Variants in HEATR5B observed in about 807,000 individuals in gnomAD.
The protein encoded by HEATR5B is HEAT repeat containing 5B, also known as HEAT repeat-containing protein 5B.
Under a neutral mutation model 224.1 loss-of-function variants are expected in HEATR5B, and 156 were observed. The ratio of observed to expected loss-of-function variants is 0.70; its 90% CI spans 0.61 to 0.80. The LOEUF is 0.80. HEATR5B is among the 30% of genes least tolerant of loss of function. HEATR5B has a pLI of 0.00. For synonymous variants in HEATR5B, 1,027 were observed against 893.0 expected, an observed-to-expected ratio of 1.15 and a Z score of -2.68; for missense variants, 2,323 against 2,535.5, an observed-to-expected ratio of 0.92 and a Z score of 1.80.
Position 37,002,384 on chromosome 2 carries a change from G to C in HEATR5B, c.5239C>G (p.Leu1747Val), listed in dbSNP as rs753742297. 6.2e-7 allele frequency: 1 copy of C among 1,614,206 alleles called. No individual in the cohort carries two copies. Among genetic ancestry groups the C allele is most frequent in the East Asian group, 2.2e-5 (1 of 44,882 alleles). Residue 1747 changes from leucine (L) to valine (V), a missense_variant, in exon 32 of 36, where the codon CTA becomes GTA. This residue lies in a region of HEATR5B where 844 missense variants were observed against 812.9 expected (regional missense o/e 1.04). Transcript: ENST00000233099. ...SPSHIATKTRLSEESARLVAA... is the reference protein window; with the variant it reads ...SPSHIATKTRVSEESARLVAA... ...ACCAAACGAGCACTTTCTTCTGATA[G>C]TCGAGTTTTAGTGGCTATGTGACTT...
intron 22 of HEATR5B, among the ~76,000 whole-genome samples, chr2:37,030,240 A>C (rs1008517019): frequency 3.3e-5 from 5 of 152,186 alleles, no homozygotes; most frequent in African/African-American, 9.7e-5. Context: ...GGTTTGAAGA[A>C]AATAGCCATA....
intron 27 of HEATR5B, 56 bp downstream of exon 27, chr2:37,013,784 AT>A: frequency 7.0e-7 from 1 of 1,434,614 alleles, no homozygotes; most frequent in Non-Finnish European, 9.3e-7. Context: ...GTAGAGGAAC[AT>A]TTTCTCATGG....
At position 36,985,304 on chromosome 2, in the gene HEATR5B, T is replaced by C. The variant is rs149069881; in HGVS notation, c.5911+3342A>G. Among the ~76,000 whole-genome samples, 97 of 152,318 alleles carry C rather than the reference T, an allele frequency of 6.4e-4. 3 individuals are homozygous for C. In the East Asian group the frequency reaches 0.014, roughly 22 times the overall value. The stretch of plus-strand genomic sequence containing the variant: ...AGACTTGTGTGCCTTTGGTTTTTTA[T>C]GGCATTTAGTCTTAGATTCAGTTTT... On this transcript the variant is annotated intron_variant, in intron 35 of 35. Coordinates refer to ENST00000233099, the MANE Select transcript of HEATR5B (RefSeq NM_019024.3).
At chr2:36,989,584 A>G (rs532568158) in intron 34 of HEATR5B, among the ~76,000 whole-genome samples, 1 of 152,318 alleles carries the variant, frequency 6.6e-6, no homozygotes, top group East Asian at 1.9e-4. Context: ...ATTCCCTGGA[A>G]ATGACTGTTA....
At chr2:37,068,137 C>T (rs1671696315) in intron 8 of HEATR5B, among the ~76,000 whole-genome samples, 1 of 152,118 alleles carries the variant, frequency 6.6e-6, no homozygotes, top group African/African-American at 2.4e-5. Context: ...CCCTGAATTA[C>T]TGCTCTGCAA....
chr2:37,032,639 G>A lies in HEATR5B; in HGVS notation c.3351C>T (p.Ser1117=). The change falls in exon 22 of 36, where the codon AGC becomes AGT. Residue 1117 remains serine (S), a synonymous_variant. Transcript: ENST00000233099. ...SLAKNTGDKE[S]SSANVSPFAP... is the part of the protein sequence containing the mutation. ...AATAATATAACTTACTGGCACTACT[G>A]CTCTCTTTGTCCCCTGTATTTTTTG... is the stretch of plus-strand genomic sequence containing the variant. 6.2e-7 allele frequency: 1 copy of A among 1,612,014 alleles called. No homozygotes were observed. Among genetic ancestry groups the A allele is most frequent in the Non-Finnish European group, 8.5e-7 (1 of 1,179,330 alleles).
rs13421441 is a variant in HEATR5B, at chr2:37,037,223, G to C, written c.3216+632C>G. Reference sequence around the variant, plus strand: ...TGCAGTGGTGCGATCTCGGCTCACTGCAACCTCCGCCTCCTGGGTTCAAGC... The same window carrying C: ...TGCAGTGGTGCGATCTCGGCTCACTCCAACCTCCGCCTCCTGGGTTCAAGC... On this transcript the variant is annotated intron_variant, in intron 21 of 35. Transcript: ENST00000233099. 8.8e-3 allele frequency among the ~76,000 whole-genome samples: 1,294 copies of C among 146,676 alleles called. 22 individuals are homozygous for C. Among genetic ancestry groups the C allele is most frequent in the African/African-American group, 0.031 (1,235 of 39,946 alleles).
chr2:36,989,604 G>C (rs569354530), intron 34 of HEATR5B, among the ~76,000 whole-genome samples: 1 of 152,202 alleles, frequency 6.6e-6, no homozygotes, highest in South Asian at 2.1e-4. Flanking sequence ...AACAATGTAA[G>C]GTTTCCAGAC....
At chr2:37,054,490 T>G (rs1670772169) in intron 16 of HEATR5B, among the ~76,000 whole-genome samples, 1 of 141,002 alleles carries the variant, frequency 7.1e-6, no homozygotes, top group Non-Finnish European at 1.5e-5. Context: ...ATTTTTTTTT[T>G]TTTTTTTTTT....
intron 27 of HEATR5B, among the ~76,000 whole-genome samples, chr2:37,009,782 T>C (rs10173443): frequency 0.11 from 15,267 of 143,474 alleles, 1,200 homozygotes; most frequent in African/African-American, 0.22. Flanking sequence ...CGCCTCCACT[T>C]TTTTTTTTTT....
At chr2:37,073,251 G>A (rs1442492999) in intron 5 of HEATR5B, among the ~76,000 whole-genome samples, 1 of 152,134 alleles carries the variant, frequency 6.6e-6, no homozygotes, top group African/African-American at 2.4e-5. Context: ...GATATATCAT[G>A]ACCAAGTGAG....
chr2:37,077,428 C>A (rs1672303130), intron 3 of HEATR5B, among the ~76,000 whole-genome samples: 2 of 152,192 alleles, frequency 1.3e-5, no homozygotes, highest in Admixed American at 6.5e-5. Flanking sequence ...CCTGCCTCAG[C>A]TTCCTGAGTA....
At chr2:36,996,802 G>A (rs559082333) in intron 33 of HEATR5B, among the ~76,000 whole-genome samples, 1 of 152,072 alleles carries the variant, frequency 6.6e-6, no homozygotes, top group Non-Finnish European at 1.5e-5. Flanking sequence ...ATGTTGGTCA[G>A]GCTGGTCTTG....
At chr2:37,029,105 G>C (rs1437460059) in intron 22 of HEATR5B, among the ~76,000 whole-genome samples, 185 bp from the exon 23 acceptor site, 2 of 152,162 alleles carry the variant, frequency 1.3e-5, no homozygotes, top group African/African-American at 4.8e-5. Flanking sequence ...CTGGCAATTA[G>C]AGTAATACCT....
intron 2 of HEATR5B, 35 bp from the exon 3 acceptor site, chr2:37,079,366 A>G (rs1239846491): frequency 3.1e-6 from 4 of 1,292,742 alleles, no homozygotes; most frequent in Non-Finnish European, 3.2e-6. Flanking sequence ...GAACATCATT[A>G]AAAATTTTTT....
chr2:37,029,277 C>A (rs1018978392), intron 22 of HEATR5B, among the ~76,000 whole-genome samples: 4 of 152,138 alleles, frequency 2.6e-5, no homozygotes, highest in African/African-American at 9.7e-5. Flanking sequence ...TAAATTGAAA[C>A]TTATTCAGTC....
intron 5 of HEATR5B, among the ~76,000 whole-genome samples, chr2:37,074,018 C>T (rs974377326): frequency 6.6e-6 from 1 of 152,080 alleles, no homozygotes; most frequent in South Asian, 2.1e-4. Context: ...AAAAGATAGG[C>T]TTTTCGAAAT....
intron 5 of HEATR5B, 46 bp from the exon 6 acceptor site, chr2:37,072,327 T>C (rs1469942737): frequency 2.2e-6 from 3 of 1,368,550 alleles, no homozygotes; most frequent in Non-Finnish European, 3.1e-6. Flanking sequence ...TAACATCTGC[T>C]TCCAGAGATG....
intron 35 of HEATR5B, among the ~76,000 whole-genome samples, chr2:36,982,087 G>A (rs1219916593): frequency 9.9e-5 from 15 of 151,382 alleles, no homozygotes; most frequent in Non-Finnish European, 1.5e-5. Flanking sequence ...CCACCTGGTA[G>A]AATGTATCTT....
Sources: gnomAD v4.1 joint callset for allele counts (sites outside exome capture counted in the v4.1 genomes callset) on GRCh38, gnomAD v4.1.1 for gene constraint, gnomAD v4.1.1 regional missense constraint, MANE v1.5 for transcripts, NCBI Gene and HGNC (gene_info 2026-07-23, HGNC 2026-07-21) for gene names.